PDE7B: variants seen among roughly 807,000 people sequenced by gnomAD.
PDE7B encodes the protein 3',5'-cyclic-AMP phosphodiesterase 7B.
PDE7B carries 29 observed loss-of-function variants against 56.2 expected under a neutral mutation model. The observed-to-expected ratio is 0.52, with a 90% CI of 0.38 to 0.70. PDE7B has a LOEUF of 0.70. PDE7B is among the 30% of genes least tolerant of loss of function. The pLI, the probability that PDE7B is intolerant of heterozygous loss-of-function variation, is 0.00. For synonymous variants in PDE7B, 197 were observed against 196.9 expected (o/e 1.00, Z 0.00); for missense variants, 490 against 565.0 (o/e 0.87, Z 1.35).
chr6:136,063,710 C>A (rs1460769299), intron 2 of PDE7B, among the ~76,000 whole-genome samples: 1 of 152,194 alleles, frequency 6.6e-6, no homozygotes, highest in Non-Finnish European at 1.5e-5. Flanking sequence ...TGCACACCAA[C>A]AAAACCGCAC....
chr6:136,063,146 CT>C (rs1776871877), intron 2 of PDE7B, among the ~76,000 whole-genome samples: 1 of 152,116 alleles, frequency 6.6e-6, no homozygotes, highest in Admixed American at 6.5e-5. Flanking sequence ...AAACAAGGTT[CT>C]AAAATAGCAA....
chr6:135,958,890 CTGAT>C (rs1774848083), intron 2 of PDE7B, among the ~76,000 whole-genome samples: 1 of 152,234 alleles, frequency 6.6e-6, no homozygotes, highest in African/African-American at 2.4e-5. Flanking sequence ...ATCAAGCTTA[CTGAT>C]TATTTCTTAC....
intron 1 of PDE7B, among the ~76,000 whole-genome samples, chr6:135,884,411 A>G (rs527309955): frequency 6.6e-6 from 1 of 152,174 alleles, no homozygotes; most frequent in South Asian, 2.1e-4. Context: ...GATCATTACA[A>G]TTCTATTTTG....
At chr6:136,042,486 T>C in intron 2 of PDE7B, among the ~76,000 whole-genome samples, 1 of 152,246 alleles carries the variant, frequency 6.6e-6, no homozygotes, top group East Asian at 1.9e-4. Context: ...AGTTTACTTA[T>C]TTATTAAGCT....
intron 1 of PDE7B, among the ~76,000 whole-genome samples, chr6:135,911,240 T>TC (rs1164003742): frequency 6.6e-6 from 1 of 152,198 alleles, no homozygotes; most frequent in Non-Finnish European, 1.5e-5. Context: ...TTCTAGGTGA[T>TC]CCATTAAATC....
At chr6:135,870,564 T>A in intron 1 of PDE7B, among the ~76,000 whole-genome samples, 1 of 151,268 alleles carries the variant, frequency 6.6e-6, no homozygotes, top group East Asian at 2.0e-4. Flanking sequence ...TAAACTAAAT[T>A]TGAGAACAAT....
chr6:136,176,430 C>A (rs1352863839), intron 9 of PDE7B, among the ~76,000 whole-genome samples: 3 of 151,944 alleles, frequency 2.0e-5, no homozygotes, highest in Non-Finnish European at 4.4e-5. Context: ...TTGTTTGTAG[C>A]ATTAAAAAGA....
chr6:136,003,610 G>C (rs1428815826), intron 2 of PDE7B, among the ~76,000 whole-genome samples: 1 of 152,130 alleles, frequency 6.6e-6, no homozygotes, highest in African/African-American at 2.4e-5. Flanking sequence ...AGAAGAAATG[G>C]ATAAATTCCT....
At chr6:136,036,080 A>T (rs549558167) in intron 2 of PDE7B, among the ~76,000 whole-genome samples, 1 of 152,352 alleles carries the variant, frequency 6.6e-6, no homozygotes, top group East Asian at 1.9e-4. Flanking sequence ...AGGAAATATG[A>T]TAATAAAGCA....
chr6:136,064,578 C>T (rs1184731721), intron 2 of PDE7B: 4 of 152,304 alleles, frequency 2.6e-5, no homozygotes, highest in African/African-American at 9.7e-5. Context: ...TCTGACCCCT[C>T]TCTCAGCTGT....
At chr6:136,067,395 T>G (rs1244734378) in intron 2 of PDE7B, among the ~76,000 whole-genome samples, 1 of 152,206 alleles carries the variant, frequency 6.6e-6, no homozygotes, top group Non-Finnish European at 1.5e-5. Context: ...TGATTTCCAT[T>G]GCCCACTTTC....
intron 2 of PDE7B, among the ~76,000 whole-genome samples, chr6:135,963,417 A>G (rs1277463757): frequency 6.6e-6 from 1 of 152,204 alleles, no homozygotes; most frequent in Non-Finnish European, 1.5e-5. Flanking sequence ...CAGAGAAGAA[A>G]CGGAGAGAAA....
chr6:136,161,453 C>A (rs1778703113), intron 8 of PDE7B, among the ~76,000 whole-genome samples: 1 of 152,106 alleles, frequency 6.6e-6, no homozygotes, highest in Non-Finnish European at 1.5e-5. Flanking sequence ...TAAGAATACA[C>A]AGAGAGTACA....
chr6:136,150,478 A>G (rs1415219095), intron 5 of PDE7B, among the ~76,000 whole-genome samples: 3 of 152,098 alleles, frequency 2.0e-5, no homozygotes, highest in Admixed American at 6.5e-5. Context: ...CCTTTCCCCA[A>G]TGTGTTTTTG....
chr6:135,998,579 AC>A (rs1279835519), intron 2 of PDE7B, among the ~76,000 whole-genome samples: 4 of 151,666 alleles, frequency 2.6e-5, no homozygotes. Context: ...ACACGGTGAA[AC>A]CCTGTCTCTA....
chr6:136,178,476 G>A (rs878941126), intron 9 of PDE7B, among the ~76,000 whole-genome samples: 6 of 152,104 alleles, frequency 3.9e-5, no homozygotes, highest in Admixed American at 3.9e-4. Flanking sequence ...TTGTAACAGT[G>A]CCTTAATTAG....
chr6:135,908,266 T>C (rs1183446856), intron 1 of PDE7B, among the ~76,000 whole-genome samples: 1 of 151,712 alleles, frequency 6.6e-6, no homozygotes, highest in African/African-American at 2.4e-5. Context: ...TTTTGTATTT[T>C]TTTTTTAGGA....
intron 12 of PDE7B, among the ~76,000 whole-genome samples, chr6:136,189,550 G>A (rs1022761568): frequency 5.9e-5 from 9 of 152,258 alleles, no homozygotes; most frequent in East Asian, 5.8e-4. Flanking sequence ...CAGCCTGGGC[G>A]ACAGGGTGAG....
intron 2 of PDE7B, among the ~76,000 whole-genome samples, chr6:136,054,538 GC>G (rs989808449): frequency 4.6e-5 from 7 of 152,168 alleles, no homozygotes; most frequent in African/African-American, 1.7e-4. Context: ...GGCAATGCGA[GC>G]CCTTTTTTGG....
Sources: gnomAD v4.1 joint callset for allele counts (sites outside exome capture counted in the v4.1 genomes callset) on GRCh38, gnomAD v4.1.1 for gene constraint, MANE v1.5 for transcripts, NCBI Gene and HGNC (gene_info 2026-07-23, HGNC 2026-07-21) for gene names.